Variants in ARID1A observed in about 807,000 individuals in gnomAD.
ARID1A encodes the protein AT-rich interactive domain-containing protein 1A.
ARID1A carries 20 observed loss-of-function variants against 212.6 expected under a neutral mutation model. The observed-to-expected ratio is 0.09, with a 90% CI of 0.07 to 0.14. The LOEUF is 0.14. ARID1A is among the 10% of genes least tolerant of loss of function. ARID1A has a pLI of 1.00. For synonymous variants in ARID1A, 1,376 were observed against 1,222.1 expected (o/e 1.13, Z -2.63); for missense variants, 2,587 against 3,059.0 (o/e 0.85, Z 3.64).
chr1:26,760,455 A>G (rs569693460), intron 4 of ARID1A, among the ~76,000 whole-genome samples: 21 of 152,324 alleles, frequency 1.4e-4, no homozygotes, highest in Non-Finnish European at 3.1e-4. Flanking sequence ...TGGGAGGCCA[A>G]GGAGGGTGGA....
chr1:26,740,293 A>ATTCCTCC (rs1435186009), intron 4 of ARID1A, among the ~76,000 whole-genome samples: 1 of 152,206 alleles, frequency 6.6e-6, no homozygotes, highest in Non-Finnish European at 1.5e-5. Flanking sequence ...TTCCTAAAGG[A>ATTCCTCC]TCCTCCTGTG....
At chr1:26,745,967 C>A (rs542457726) in intron 4 of ARID1A, among the ~76,000 whole-genome samples, 14 of 152,256 alleles carry the variant, frequency 9.2e-5, no homozygotes, top group South Asian at 6.2e-4. Flanking sequence ...AGGAGAATCG[C>A]TTGAACCTGG....
rs761221782 is a variant in ARID1A, at chr1:26,696,884, G to A, written c.481G>A (p.Val161Ile). The stretch of plus-strand genomic sequence containing the variant: ...ACCCTACGGCCGGAGCCCGTCTGCC[G>A]TCGCCGCCGCCGCGGCCGCCGTCTT... ...GQPYGRSPSA[V>I]AAAAAAVFHQ... The change falls in exon 1 of 20, where the codon GTC becomes ATC. Residue 161 changes from valine to isoleucine, a missense_variant. Physicochemically the swap from Val to Ile is conservative, Grantham distance 29. Around this residue, in one of 11 missense-constraint regions of ARID1A, gnomAD observed 735 missense variants for 590.6 expected, o/e 1.24. Transcript: ENST00000324856. The A allele has an allele frequency of 3.7e-6, 5 of 1,360,544 alleles. No homozygotes were observed. The Admixed American group carries it at 1.6e-4, about 44-fold the overall frequency. 84.3% of individuals were successfully genotyped at this position (1,360,544 alleles called of 1,614,324 possible).
rs2080258690 is a variant in ARID1A at position 26,696,692 on chromosome 1, G to C, written c.289G>C (p.Glu97Gln). Residue 97 changes from glutamate to glutamine, a missense_variant, in exon 1 of 20, where the codon GAG becomes CAG. Physicochemically the swap from Glu to Gln is conservative, Grantham distance 29 (BLOSUM62 2). This residue lies in a region of ARID1A where 735 missense variants were observed against 590.6 expected (regional missense o/e 1.24). Transcript: ENST00000324856. ...CGGCAGCGGCGGCGGGCCCGGCGCG[G>C]AGCCGGACCTGAAGAACTCGAACGG... ...GAGSGGGPGA[E>Q]PDLKNSNGNA... 5.9e-6 allele frequency: 8 copies of C among 1,345,392 alleles called. No homozygotes were observed. The South Asian group carries it at 1.3e-4, about 22-fold the overall frequency. 83.3% of individuals were successfully genotyped at this position (1,345,392 alleles called of 1,614,324 possible). A position where few individuals can be genotyped will look rare whatever the true frequency, so the allele number is the denominator to read the frequency against.
intron 1 of ARID1A, among the ~76,000 whole-genome samples, chr1:26,707,188 C>G (rs1414068632): frequency 6.7e-6 from 1 of 149,862 alleles, no homozygotes; most frequent in Admixed American, 6.6e-5. Context: ...CATGCGCCAC[C>G]GCGGCTGGCT....
chr1:26,699,029 CT>C (rs1176984756), intron 1 of ARID1A, among the ~76,000 whole-genome samples: 1 of 152,160 alleles, frequency 6.6e-6, no homozygotes, highest in Non-Finnish European at 1.5e-5. Context: ...TCTTGAGGGA[CT>C]TTCTCCTAAA....
chr1:26,719,247 A>G (rs2080536622), intron 1 of ARID1A, among the ~76,000 whole-genome samples: 1 of 152,258 alleles, frequency 6.6e-6, no homozygotes, highest in African/African-American at 2.4e-5. Flanking sequence ...AAACAAGATA[A>G]ATAAGTAAAG....
In ARID1A at chr1:26,697,221, C is replaced by T. The variant is rs2124743727; in HGVS notation, c.818C>T (p.Ala273Val). Reference sequence around the variant, plus strand: ...TCCTTCGCTCAGCAGCGCTTCGGGGCCATGGGGGGAGGCGGCCCCTCCGCG... The same window carrying T: ...TCCTTCGCTCAGCAGCGCTTCGGGGTCATGGGGGGAGGCGGCCCCTCCGCG... ...SSSFAQQRFG[A>V]MGGGGPSAAG... The change falls in exon 1 of 20, where the codon GCC (alanine) becomes GTC (valine). Residue 273 changes from alanine to valine, a missense_variant. Ala to Val is a moderately conservative substitution (Grantham distance 64). Around this residue, in one of 11 missense-constraint regions of ARID1A, gnomAD observed 735 missense variants for 590.6 expected, o/e 1.24. Transcript: ENST00000324856. 2 of 1,383,476 alleles carry T rather than the reference C, an allele frequency of 1.4e-6. No homozygotes were observed. Among genetic ancestry groups the T allele is most frequent in the East Asian group, 3.0e-5 (1 of 33,172 alleles). 85.7% of individuals were successfully genotyped at this position (1,383,476 alleles called of 1,614,324 possible). A position where few individuals can be genotyped will look rare whatever the true frequency, so the allele number is the denominator to read the frequency against.
intron 1 of ARID1A, among the ~76,000 whole-genome samples, chr1:26,699,996 CTT>C (rs1002574564): frequency 3.3e-5 from 5 of 152,116 alleles, no homozygotes; most frequent in African/African-American, 1.2e-4. Flanking sequence ...TTTCTGATCT[CTT>C]TTATTATCAC....
chr1:26,763,382 A>T, intron 8 of ARID1A, 97 bp downstream of exon 8: 1 of 1,344,576 alleles, frequency 7.4e-7, no homozygotes, highest in South Asian at 1.5e-5. Flanking sequence ...CCAGGGGGGG[A>T]AAATGGGTGT....
rs1280103914 is a variant in ARID1A, at chr1:26,769,504, GGA to G, written c.3198+1511_3198+1512del. Reference sequence around the variant, plus strand: ...GACTGGCCTAGATGCCACGGAGATGGGAGAGAGTCTAGATATTTCCCACCAAG... The same window carrying G: ...GACTGGCCTAGATGCCACGGAGATGGGAGAGTCTAGATATTTCCCACCAAG... On this transcript the variant is annotated intron_variant, in intron 11 of 19. Transcript: ENST00000324856. 7 of 152,198 alleles carry G rather than the reference GGA, an allele frequency of 4.6e-5. No homozygotes were observed. In the East Asian group the frequency reaches 9.6e-4, roughly 21 times the overall value. 9.4% of individuals were successfully genotyped at this position (152,198 alleles called of 1,614,324 possible).
chr1:26,716,215 AAAAAAG>A (rs1423380071), intron 1 of ARID1A, among the ~76,000 whole-genome samples: 9 of 151,646 alleles, frequency 5.9e-5, no homozygotes, highest in Non-Finnish European at 1.3e-4. Flanking sequence ...AAAAAAAAAA[AAAAAAG>A]AAAAAGAAAA....
rs773264329 is a variant in ARID1A at position 26,773,445 on chromosome 1, C to T, written c.3815C>T (p.Ala1272Val). 3 of 1,613,510 alleles carry T rather than the reference C, an allele frequency of 1.9e-6. No individual in the cohort carries two copies. The highest frequency in any genetic ancestry group is 2.2e-5 in the East Asian group (1 of 44,888). Residue 1272 changes from alanine (A) to valine (V), a missense_variant, in exon 15 of 20, where the codon GCG becomes GTG. This residue lies in a region of ARID1A where 890 missense variants were observed against 1,098.2 expected (regional missense o/e 0.81). Transcript: ENST00000324856. ...GCCGGCCCTGGGCTAGGAAATGTGG[C>T]GATGGGACCACGACAGCACTATCCC... ...RAAGPGLGNV[A>V]MGPRQHYPYG...
At position 26,779,634 on chromosome 1, in the gene ARID1A, T is replaced by C. The variant is rs2124142313; in HGVS notation, c.5736T>C (p.Asp1912=). ...PPEKRITATM[D]DMLSTRSSTL... ...AAAAACGGATCACAGCCACTATGGA[T>C]GACATGTTGTCTACTCGGTCTAGCA... The change falls in exon 20 of 20, where the codon GAT becomes GAC. Residue 1912 remains aspartate, a synonymous_variant. Transcript: ENST00000324856. 1 of 1,614,088 alleles carries C rather than the reference T, an allele frequency of 6.2e-7. No homozygotes were observed. The highest frequency in any genetic ancestry group is 8.5e-7 in the Non-Finnish European group (1 of 1,180,018).
intron 19 of ARID1A, chr1:26,778,473 G>A (rs2124134715): frequency 6.6e-6 from 1 of 152,524 alleles, no homozygotes; most frequent in Admixed American, 6.5e-5. Flanking sequence ...GCTTGGACCA[G>A]TGTTTGGAGA....
intron 1 of ARID1A, chr1:26,729,316 G>A (rs1451106517): frequency 4.5e-5 from 14 of 314,176 alleles, no homozygotes; most frequent in Non-Finnish European, 8.6e-5. Context: ...CAAGGTGATG[G>A]CAGTGCATAG....
intron 2 of ARID1A, among the ~76,000 whole-genome samples, chr1:26,730,227 G>C (rs1489881263): frequency 6.6e-6 from 1 of 152,218 alleles, no homozygotes; most frequent in Admixed American, 6.5e-5. Context: ...GGTGACGGAA[G>C]AGGCCCTTTA....
At position 26,773,468 on chromosome 1, in the gene ARID1A, C is replaced by A. The variant is rs2081102919; in HGVS notation, c.3838C>A (p.Pro1280Thr). The A allele has an allele frequency of 6.2e-7, 1 of 1,613,226 alleles. No individual in the cohort carries two copies. Residue 1280 changes from proline (P) to threonine (T), a missense_variant, in exon 15 of 20, where the codon CCC becomes ACC. By Grantham distance (38) the Pro-to-Thr change is conservative. Coordinates refer to ENST00000324856, the MANE Select transcript of ARID1A (RefSeq NM_006015.6). The stretch of plus-strand genomic sequence containing the variant: ...GGCGATGGGACCACGACAGCACTAT[C>A]CCTATGGAGGTCCTTATGACAGAGT... ...NVAMGPRQHYPYGGPYDRVRT... is the reference protein window; with the variant it reads ...NVAMGPRQHYTYGGPYDRVRT...
chr1:26,774,900 C>A lies in ARID1A; in HGVS notation c.4673C>A (p.Ser1558Tyr). Reference sequence around the variant, plus strand: ...ACACGCCAGCCCCCATATGGTCCCTCTGCCCCTGTGCCCCCCATGACAAGG... The same window carrying A: ...ACACGCCAGCCCCCATATGGTCCCTATGCCCCTGTGCCCCCCATGACAAGG... ...HGTRQPPYGP[S>Y]APVPPMTRPP... is the part of the protein sequence containing the mutation. Residue 1558 changes from serine to tyrosine, a missense_variant, in exon 18 of 20, where the codon TCT (serine) becomes TAT (tyrosine). By Grantham distance (144) the Ser-to-Tyr change is moderately radical. Coordinates refer to ENST00000324856, the MANE Select transcript of ARID1A (RefSeq NM_006015.6). This position sits in a 1 kb window ranked among gnomAD's most constrained non-coding sequence, Gnocchi z 5.6. 6.4e-7 allele frequency: 1 copy of A among 1,561,574 alleles called. No homozygotes were observed. The highest frequency in any genetic ancestry group is 8.7e-7 in the Non-Finnish European group (1 of 1,152,058).
Sources: allele counts gnomAD v4.1 joint callset (sites outside exome capture counted in the v4.1 genomes callset), GRCh38; gene constraint gnomAD v4.1.1; regional missense constraint gnomAD v4.1.1; non-coding constraint Gnocchi (gnomAD v3.1); transcripts MANE v1.5; gene names NCBI Gene and HGNC (gene_info 2026-07-23, HGNC 2026-07-21).